The following USE1 variants were observed in gnomAD, a reference collection of about 807,000 sequenced individuals.
The protein encoded by USE1 is vesicle transport protein USE1.
A neutral mutation model predicts 37.6 loss-of-function variants in USE1; 32 were observed. The ratio of observed to expected loss-of-function variants is 0.85; its 90% CI spans 0.64 to 1.14. The LOEUF (loss-of-function observed/expected upper bound fraction) is 1.14, where lower values mean the gene tolerates loss of function less well. Ranked by LOEUF, USE1 falls within the 50% of genes most tolerant of loss-of-function variation. The pLI, the probability that USE1 is intolerant of heterozygous loss-of-function variation, is 0.00. For missense variants in USE1, 310 were observed against 332.2 expected (o/e 0.93, Z 0.52); for synonymous variants, 149 against 137.6 (o/e 1.08, Z -0.58).
At position 17,219,780 on chromosome 19, in the gene USE1, C is replaced by T; in HGVS notation, c.747C>T (p.Ile249=). ...IIVCFIFISM[I]LFIRIMPKLK ...TCTGCTTCATCTTCATTAGCATGAT[C>T]CTCTTCATTCGAATCATGCCTAAAC... is the stretch of plus-strand genomic sequence containing the variant. Residue 249 remains isoleucine (I), a synonymous_variant, in exon 8 of 8, where the codon ATC becomes ATT. Transcript: ENST00000263897. 11 of 1,606,274 alleles carry T rather than the reference C, an allele frequency of 6.8e-6. No individual in the cohort carries two copies. The highest frequency in any genetic ancestry group is 8.5e-6 in the Non-Finnish European group (10 of 1,176,008).
rs1192605865 is a variant in USE1 at position 17,215,734 on chromosome 19, GC to G, written c.103-61del. ...TTGACCCCTCCCATTTGTCGGCCCC[GC>G]CCCCCCGACTCCCATGATCAGGACA... On this transcript the variant is annotated intron_variant, in intron 1 of 7. Transcript: ENST00000263897. 166 of 555,132 alleles carry G rather than the reference GC, an allele frequency of 3.0e-4. 2 individuals are homozygous for G. Among genetic ancestry groups the G allele is most frequent in the Admixed American group, 3.8e-4 (7 of 18,626 alleles). 34.4% of individuals were successfully genotyped at this position (555,132 alleles called of 1,614,324 possible).
Position 17,219,827 on chromosome 19 carries a change from C to T in USE1, c.*14C>T. ...AAACTCAAATAAAGACCCCCGCCCA[C>T]CTTGTCTGTCTTCCGTCTGTCCCCT... On this transcript the variant is annotated 3_prime_UTR_variant, in exon 8 of 8. Transcript: ENST00000263897. 15 of 1,571,814 alleles carry T rather than the reference C, an allele frequency of 9.5e-6. No individual in the cohort carries two copies. Among genetic ancestry groups the T allele is most frequent in the Non-Finnish European group, 1.2e-5 (14 of 1,157,474 alleles).
chr19:17,219,549 A>T (rs573951719), intron 7 of USE1, 82 bp from the exon 8 acceptor site: 9 of 1,485,136 alleles, frequency 6.1e-6, no homozygotes, highest in Non-Finnish European at 8.1e-6. Flanking sequence ...AAGCGACAAG[A>T]GGTGCAGGCC....
chr19:17,218,297 A>T (rs2073302669), intron 5 of USE1, 67 bp from the exon 6 acceptor site: 30 of 1,606,976 alleles, frequency 1.9e-5, no homozygotes, highest in Non-Finnish European at 2.6e-5. Flanking sequence ...CAGCACAGGC[A>T]ATGCTCAGGA....
rs772601515 is a variant in USE1, at chr19:17,219,715, A to G, written c.682A>G (p.Lys228Glu). 5 of 1,613,602 alleles carry G rather than the reference A, an allele frequency of 3.1e-6. No homozygotes were observed. The East Asian group carries it at 1.1e-4, about 36-fold the overall frequency. The stretch of plus-strand genomic sequence containing the variant: ...AGAGCGTCTGGAGCAGCACACGCAG[A>G]AGTCAGTCAACTGGCTGCTCTGGGC... ...ESERLEQHTQKSVNWLLWAML... is the reference protein window; with the variant it reads ...ESERLEQHTQESVNWLLWAML... Residue 228 changes from lysine (K) to glutamate (E), a missense_variant, in exon 8 of 8, where the codon AAG becomes GAG. Lys to Glu is a moderately conservative substitution (Grantham distance 56, BLOSUM62 1). Transcript: ENST00000263897.
intron 5 of USE1, 89 bp downstream of exon 5, chr19:17,217,551 A>T: frequency 6.5e-7 from 1 of 1,540,186 alleles, no homozygotes; most frequent in Non-Finnish European, 8.8e-7. Context: ...CCATGCCGAG[A>T]CTCCATGCCC....
Position 17,216,000 on chromosome 19 carries a change from C to T in USE1, c.161C>T (p.Ala54Val), listed in dbSNP as rs2145543899. Residue 54 changes from alanine (A) to valine (V), a missense_variant, in exon 3 of 8, where the codon GCC becomes GTC. Physicochemically the swap from Ala to Val is moderately conservative, Grantham distance 64. Transcript: ENST00000263897. The stretch of plus-strand genomic sequence containing the variant: ...TTCTTCCTGCCTTCCAGCAAACCGG[C>T]CTCTGAGGTGATCAATGAATATTCC... ...QALKVHASKPASEVINEYSWK... is the reference protein window; with the variant it reads ...QALKVHASKPVSEVINEYSWK... 4 of 1,605,300 alleles carry T rather than the reference C, an allele frequency of 2.5e-6. No homozygotes were observed. The highest frequency in any genetic ancestry group is 3.4e-6 in the Non-Finnish European group (4 of 1,175,948).
intron 1 of USE1, 69 bp from the exon 2 acceptor site, chr19:17,215,733 C>CG: frequency 7.5e-7 from 1 of 1,333,756 alleles, no homozygotes; most frequent in Non-Finnish European, 1.0e-6. Context: ...TTGTCGGCCC[C>CG]GCCCCCCCGA....
chr19:17,217,653 G>A, intron 5 of USE1, 191 bp downstream of exon 5: 2 of 819,178 alleles, frequency 2.4e-6, no homozygotes, highest in East Asian at 3.2e-5. Flanking sequence ...AGGCACAGTG[G>A]CTCACACCTG....
At chr19:17,216,133 G>A (rs758786473) in intron 3 of USE1, 36 bp from the exon 4 acceptor site, 4 of 1,613,392 alleles carry the variant, frequency 2.5e-6, no homozygotes, top group Non-Finnish European at 3.4e-6. Context: ...CCCAGGACCT[G>A]CCCCTCCAGT....
Position 17,215,810 on chromosome 19 carries a change from AG to A in USE1, c.112del (p.Ala38ProfsTer2), listed in dbSNP as rs774476916. ...DEWRLEKYVG[A>X]LEDMLQALKV... ...CCACTTTTCCTCCCCAGTACGTGGGAGCCCTAGAGGACATGTTGCAGGCCCT... is the reference window on the plus strand; with the variant it reads ...CCACTTTTCCTCCCCAGTACGTGGGACCCTAGAGGACATGTTGCAGGCCCT... On this transcript the variant is annotated frameshift_variant, in exon 2 of 8. Coordinates refer to ENST00000263897, the MANE Select transcript of USE1 (RefSeq NM_018467.4). LOFTEE classifies it high-confidence loss of function. 6.5e-5 allele frequency: 104 copies of A among 1,594,240 alleles called. No individual in the cohort carries two copies. The highest frequency in any genetic ancestry group is 8.2e-5 in the Non-Finnish European group (96 of 1,170,930).
intron 2 of USE1, 33 bp from the exon 3 acceptor site, chr19:17,215,959 A>T (rs1245066996): frequency 1.9e-6 from 3 of 1,586,292 alleles, no homozygotes; most frequent in Non-Finnish European, 2.6e-6. Context: ...GGGACCATGG[A>T]CAGGTTTTGT....
chr19:17,219,102 G>T, intron 6 of USE1, 111 bp from the exon 7 acceptor site: 1 of 1,415,786 alleles, frequency 7.1e-7, no homozygotes, highest in East Asian at 2.6e-5. Context: ...ACTCCAGCCT[G>T]GGCAACAGAA....
chr19:17,215,778 T>G, intron 1 of USE1, 24 bp from the exon 2 acceptor site: 1 of 1,342,432 alleles, frequency 7.4e-7, no homozygotes, highest in South Asian at 1.2e-5. Flanking sequence ...GACCCCCGGG[T>G]GACAATCCAC....
chr19:17,219,490 T>A, intron 7 of USE1, 103 bp downstream of exon 7: 1 of 1,440,572 alleles, frequency 6.9e-7, no homozygotes, highest in Non-Finnish European at 9.3e-7. Context: ...TGAATAGGAG[T>A]TTCGTAGAAG....
chr19:17,217,783 G>A (rs764135528), intron 5 of USE1: 21 of 421,436 alleles, frequency 5.0e-5, no homozygotes, highest in South Asian at 2.0e-4. Flanking sequence ...GCAGTGCCAC[G>A]TGTCTGTAGT....
rs192154075 is a variant in USE1, at chr19:17,216,261, G to T, written c.324G>T (p.Thr108=). 1.4e-4 allele frequency: 219 copies of T among 1,613,124 alleles called. 5 individuals are homozygous for T. In the African/African-American group the frequency reaches 2.0e-3, roughly 15 times the overall value. ...TARERVPATK[T]VHLQSRARYT... is the part of the protein sequence containing the mutation. The stretch of plus-strand genomic sequence containing the variant: ...GAGAGCGAGTGCCCGCCACAAAGAC[G>T]GTGCATCTGCAGTCACGGGCGCGGT... The change falls in exon 4 of 8, where the codon ACG becomes ACT. Residue 108 remains threonine, a synonymous_variant. Transcript: ENST00000263897.
intron 3 of USE1, 33 bp from the exon 4 acceptor site, chr19:17,216,136 C>A (rs917947009): frequency 1.9e-6 from 3 of 1,613,420 alleles, no homozygotes; most frequent in Non-Finnish European, 2.5e-6. Flanking sequence ...AGGACCTGCC[C>A]CTCCAGTGAC....
chr19:17,219,748 A>C lies in USE1; in HGVS notation c.715A>C (p.Ile239Leu). 1 of 1,612,718 alleles carries C rather than the reference A, an allele frequency of 6.2e-7. No homozygotes were observed. Among genetic ancestry groups the C allele is most frequent in the Non-Finnish European group, 8.5e-7 (1 of 1,179,128 alleles). The change falls in exon 8 of 8, where the codon ATT becomes CTT. Residue 239 changes from isoleucine to leucine, a missense_variant. Physicochemically the swap from Ile to Leu is conservative, Grantham distance 5 (BLOSUM62 2). Coordinates refer to ENST00000263897, the MANE Select transcript of USE1 (RefSeq NM_018467.4). ...SVNWLLWAML[I>L]IVCFIFISMI... ...CAACTGGCTGCTCTGGGCCATGCTC[A>C]TTATCGTCTGCTTCATCTTCATTAG...
Sources: allele counts gnomAD v4.1 joint callset, GRCh38; gene constraint gnomAD v4.1.1; transcripts MANE v1.5; gene names NCBI Gene and HGNC (gene_info 2026-07-23, HGNC 2026-07-21).